The following PABPC4L variants were observed in gnomAD, a reference collection of about 807,000 sequenced individuals.
PABPC4L encodes poly(A) binding protein cytoplasmic 4 like.
For missense variants in PABPC4L, 452 were observed against 451.4 expected (o/e 1.00, Z -0.01); for synonymous variants, 169 against 164.1 (o/e 1.03, Z -0.23).
chr4:133,986,223 A>C, the PABPC4L span, among the ~76,000 whole-genome samples: 1 of 152,146 alleles, frequency 6.6e-6, no homozygotes, highest in Non-Finnish European at 1.5e-5. Context: ...ACTTATTGCC[A>C]TTTAATTTTT....
At chr4:134,008,983 A>C in the PABPC4L span, among the ~76,000 whole-genome samples, 2 of 151,846 alleles carry the variant, frequency 1.3e-5, no homozygotes, top group Non-Finnish European at 2.9e-5. Flanking sequence ...TAGAGATATA[A>C]AATTTTATAT....
the PABPC4L span, among the ~76,000 whole-genome samples, chr4:133,995,831 G>T: frequency 6.6e-6 from 1 of 152,148 alleles, no homozygotes; most frequent in Non-Finnish European, 1.5e-5. Context: ...TGGCTGGGCT[G>T]TAAGGTTGTT....
the PABPC4L span, among the ~76,000 whole-genome samples, chr4:134,137,008 T>C: frequency 6.5e-3 from 996 of 152,170 alleles, 10 homozygotes; most frequent in African/African-American, 0.022. Flanking sequence ...AAATGGGCTA[T>C]GCTTTTTCTT....
the PABPC4L span, among the ~76,000 whole-genome samples, chr4:134,190,248 C>T: frequency 6.6e-6 from 1 of 152,028 alleles, no homozygotes; most frequent in East Asian, 1.9e-4. Context: ...AGTGGTTTGT[C>T]CTGACACATA....
the PABPC4L span, among the ~76,000 whole-genome samples, chr4:133,985,029 C>T: frequency 6.6e-6 from 1 of 151,950 alleles, no homozygotes; most frequent in African/African-American, 2.4e-5. Context: ...TCTACCACTA[C>T]TTTCATAGGA....
the PABPC4L span, among the ~76,000 whole-genome samples, chr4:133,979,310 TG>T: frequency 2.0e-5 from 3 of 152,202 alleles, no homozygotes; most frequent in African/African-American, 7.2e-5. Context: ...TGAAAAATTT[TG>T]TAAGCTAATC....
chr4:134,150,657 C>T, the PABPC4L span, among the ~76,000 whole-genome samples: 2 of 152,080 alleles, frequency 1.3e-5, no homozygotes, highest in African/African-American at 4.8e-5. Flanking sequence ...TTTAGGTTCA[C>T]CTGGACTCCT....
At position 134,200,145 on chromosome 4, in the gene PABPC4L, C is replaced by T; in HGVS notation, c.875G>A (p.Gly292Glu). The change falls in exon 2 of 2, where the codon GGG becomes GAG. Residue 292 changes from glycine (G) to glutamate (E), a missense_variant. Coordinates refer to ENST00000421491, the MANE Select transcript of PABPC4L (RefSeq NM_001114734.2). ...LKRERIRGCQ[G>E]VKLYIKNLDD... Reference sequence around the variant, plus strand: ...AAGGTTCTTAATATAGAGTTTTACCCCCTGGCACCCACGAATTCGTTCCCT... The same window carrying T: ...AAGGTTCTTAATATAGAGTTTTACCTCCTGGCACCCACGAATTCGTTCCCT... The T allele has an allele frequency of 6.4e-7, 1 of 1,551,630 alleles. No homozygotes were observed. Among genetic ancestry groups the T allele is most frequent in the Non-Finnish European group, 8.7e-7 (1 of 1,146,966 alleles).
the PABPC4L span, among the ~76,000 whole-genome samples, chr4:134,132,547 G>A: frequency 3.3e-5 from 5 of 151,424 alleles, no homozygotes; most frequent in African/African-American, 1.2e-4. Flanking sequence ...GCAATAATAA[G>A]AGAATAAAAA....
chr4:134,015,845 C>A, the PABPC4L span, among the ~76,000 whole-genome samples: 1 of 152,152 alleles, frequency 6.6e-6, no homozygotes, highest in African/African-American at 2.4e-5. Flanking sequence ...CTTTTAGAGG[C>A]CCTTAAAATC....
chr4:134,027,573 C>G, the PABPC4L span, among the ~76,000 whole-genome samples: 1 of 152,062 alleles, frequency 6.6e-6, no homozygotes, highest in Non-Finnish European at 1.5e-5. Context: ...AAACTGATTT[C>G]CAATCTTTTG....
At chr4:134,021,217 A>G in the PABPC4L span, among the ~76,000 whole-genome samples, 2 of 152,178 alleles carry the variant, frequency 1.3e-5, no homozygotes, top group Non-Finnish European at 1.5e-5. Context: ...AGTAATCTTA[A>G]GAAAGAAGAA....
the PABPC4L span, among the ~76,000 whole-genome samples, chr4:134,091,420 T>G: frequency 6.6e-6 from 1 of 152,072 alleles, no homozygotes; most frequent in Non-Finnish European, 1.5e-5. Context: ...ATTGAAATTT[T>G]TCTTTGTTTA....
chr4:133,967,228 T>C, the PABPC4L span, among the ~76,000 whole-genome samples: 1 of 151,994 alleles, frequency 6.6e-6, no homozygotes, highest in Non-Finnish European at 1.5e-5. Context: ...TCCCAGCAGT[T>C]TGGAGGCCCA....
At chr4:134,090,795 T>C in the PABPC4L span, among the ~76,000 whole-genome samples, 1 of 151,918 alleles carries the variant, frequency 6.6e-6, no homozygotes, top group African/African-American at 2.4e-5. Context: ...GAGGGGTTGC[T>C]GCCTATGAAA....
At chr4:134,078,145 C>G in the PABPC4L span, among the ~76,000 whole-genome samples, 1 of 152,098 alleles carries the variant, frequency 6.6e-6, no homozygotes, top group African/African-American at 2.4e-5. Context: ...ATAAGTAATA[C>G]TAAAGTAAAA....
the PABPC4L span, among the ~76,000 whole-genome samples, chr4:134,089,807 G>A: frequency 6.6e-6 from 1 of 151,980 alleles, no homozygotes; most frequent in Non-Finnish European, 1.5e-5. Context: ...CAGGATTTTG[G>A]TATACATGGG....
At chr4:134,163,642 A>G in the PABPC4L span, among the ~76,000 whole-genome samples, 1 of 152,172 alleles carries the variant, frequency 6.6e-6, no homozygotes, top group Non-Finnish European at 1.5e-5. Context: ...CATAAAAAAG[A>G]TAATTACCAT....
chr4:133,958,123 C>T, the PABPC4L span, among the ~76,000 whole-genome samples: 1 of 152,202 alleles, frequency 6.6e-6, no homozygotes. Context: ...TCTATTGCAT[C>T]AACAGGCTGC....
Sources: gnomAD v4.1 joint callset for allele counts (sites outside exome capture counted in the v4.1 genomes callset) on GRCh38, gnomAD v4.1.1 for gene constraint, MANE v1.5 for transcripts, NCBI Gene and HGNC (gene_info 2026-07-23, HGNC 2026-07-21) for gene names.